RGS7BP: variants seen among roughly 807,000 people sequenced by gnomAD.
RGS7BP encodes regulator of G protein signaling 7-binding protein.
A neutral mutation model predicts 31.3 loss-of-function variants in RGS7BP; 9 were observed. That is an observed-to-expected ratio of 0.29 (90% CI 0.17 to 0.50). The LOEUF (loss-of-function observed/expected upper bound fraction) is 0.50, where lower values mean the gene tolerates loss of function less well. Ranked by LOEUF, RGS7BP falls within the 20% of genes least tolerant of loss-of-function variation. RGS7BP has a pLI of 0.98. For missense variants in RGS7BP, 274 were observed against 322.0 expected (o/e 0.85, Z 1.14); for synonymous variants, 115 against 120.1 (o/e 0.96, Z 0.28).
In RGS7BP at chr5:64,609,881, C is replaced by G. The variant is rs961169981; in HGVS notation, c.*629C>G. 6.6e-6 allele frequency: 1 copy of G among 152,396 alleles called. No individual in the cohort carries two copies. The highest frequency in any genetic ancestry group is 6.6e-5 in the Admixed American group (1 of 15,220). 9.4% of individuals were successfully genotyped at this position (152,396 alleles called of 1,614,324 possible). A position where few individuals can be genotyped will look rare whatever the true frequency, so the allele number is the denominator to read the frequency against. On this transcript the variant is annotated 3_prime_UTR_variant, in exon 6 of 6. Coordinates refer to ENST00000334025, the MANE Select transcript of RGS7BP (RefSeq NM_001029875.3). ...CAACAAAAACCACATATGAAAAGTA[C>G]TAAAATTTTGTAAATACACAATAAT...
intron 3 of RGS7BP, among the ~76,000 whole-genome samples, chr5:64,591,545 C>T (rs1444566635): frequency 6.6e-6 from 1 of 152,054 alleles, no homozygotes; most frequent in South Asian, 2.1e-4. Flanking sequence ...TGTAAATTAG[C>T]ATAGCCTTTT....
In RGS7BP at chr5:64,574,465, C is replaced by T. The variant is rs564594174; in HGVS notation, c.333-1309C>T. Among the ~76,000 whole-genome samples the T allele has an allele frequency of 6.6e-5, 10 of 152,142 alleles. No homozygotes were observed. The South Asian group carries it at 2.1e-3, about 32-fold the overall frequency. ...TCCTATGTTGGCCTAAGGTGGCACC[C>T]ACGAGACACAAATGAGAAAATAACA... On this transcript the variant is annotated intron_variant, in intron 2 of 5. Coordinates refer to ENST00000334025, the MANE Select transcript of RGS7BP (RefSeq NM_001029875.3).
chr5:64,518,986 C>T (rs1039657933), intron 2 of RGS7BP, among the ~76,000 whole-genome samples: 6 of 152,242 alleles, frequency 3.9e-5, no homozygotes, highest in South Asian at 4.2e-4. Flanking sequence ...GCAGCCAGGG[C>T]GGTGTCATGC....
At chr5:64,575,733 C>T in intron 2 of RGS7BP, 41 bp from the exon 3 acceptor site, 1 of 1,573,334 alleles carries the variant, frequency 6.4e-7, no homozygotes. Flanking sequence ...TGAGTGAAAT[C>T]TTGAGAATGT....
Position 64,570,632 on chromosome 5 carries a change from G to A in RGS7BP, c.333-5142G>A, listed in dbSNP as rs138602127. Among the ~76,000 whole-genome samples, 154 of 152,146 alleles carry A rather than the reference G, an allele frequency of 1.0e-3. 1 individual carries two copies. The highest frequency in any genetic ancestry group is 2.9e-3 in the African/African-American group (121 of 41,514). Reference sequence around the variant, plus strand: ...GACAGATGCAGGGCCAAGACATTTCGTAACTAAAATCCCCAGTGTGTTAAC... The same window carrying A: ...GACAGATGCAGGGCCAAGACATTTCATAACTAAAATCCCCAGTGTGTTAAC... On this transcript the variant is annotated intron_variant, in intron 2 of 5. Transcript: ENST00000334025.
chr5:64,540,833 A>G (rs1241381335), intron 2 of RGS7BP, among the ~76,000 whole-genome samples: 1 of 152,208 alleles, frequency 6.6e-6, no homozygotes, highest in African/African-American at 2.4e-5. Flanking sequence ...AGAGCTGTGC[A>G]GCACAAAAAA....
intron 5 of RGS7BP, among the ~76,000 whole-genome samples, chr5:64,606,002 A>C (rs938511649): frequency 1.5e-5 from 2 of 135,798 alleles, no homozygotes; most frequent in African/African-American, 5.6e-5. Context: ...TATATGCTAT[A>C]TATATGTATA....
intron 2 of RGS7BP, among the ~76,000 whole-genome samples, chr5:64,533,949 A>G (rs541533221): frequency 3.7e-4 from 57 of 152,356 alleles, no homozygotes; most frequent in Non-Finnish European, 6.3e-4. Context: ...GAGGGGACAT[A>G]TGATAAATAA....
rs202168492 is a variant in RGS7BP, at chr5:64,575,882, G to A, written c.441G>A (p.Gly147=). 1 of 1,611,826 alleles carries A rather than the reference G, an allele frequency of 6.2e-7. No homozygotes were observed. The highest frequency in any genetic ancestry group is 1.1e-5 in the South Asian group (1 of 90,626). The part of the protein sequence containing the change: ...TEMLKSICLL[G]SLQFHRKGKE... ...TGCTAAAATCCATATGTCTGCTGGG[G>A]TCTCTTCAGTTTCATCGAAAAGGTA... The change falls in exon 3 of 6, where the codon GGG becomes GGA. Residue 147 remains glycine (G), a synonymous_variant. Coordinates refer to ENST00000334025, the MANE Select transcript of RGS7BP (RefSeq NM_001029875.3).
intron 2 of RGS7BP, among the ~76,000 whole-genome samples, chr5:64,562,566 T>G (rs965056450): frequency 7.2e-5 from 11 of 152,152 alleles, no homozygotes; most frequent in Non-Finnish European, 5.9e-5. Context: ...GTGGCCTTCA[T>G]GTCAATATTC....
chr5:64,591,795 G>T (rs147351499), intron 3 of RGS7BP, among the ~76,000 whole-genome samples: 1 of 152,244 alleles, frequency 6.6e-6, no homozygotes, highest in Non-Finnish European at 1.5e-5. Flanking sequence ...AAAGTAAGTT[G>T]TATAACAACA....
At chr5:64,534,556 A>T (rs1749457630) in intron 2 of RGS7BP, among the ~76,000 whole-genome samples, 1 of 152,078 alleles carries the variant, frequency 6.6e-6, no homozygotes. Context: ...GATGAGGGAA[A>T]GGGGAGAATC....
rs1351053563 is a variant in RGS7BP, at chr5:64,575,923, G to T, written c.463+19G>T. 1.3e-6 allele frequency: 2 copies of T among 1,599,898 alleles called. No individual in the cohort carries two copies. The highest frequency in any genetic ancestry group is 1.7e-5 in the Admixed American group (1 of 57,778). On this transcript the variant is annotated intron_variant, in intron 3 of 5. Coordinates refer to ENST00000334025, the MANE Select transcript of RGS7BP (RefSeq NM_001029875.3). Reference sequence around the variant, plus strand: ...CGAAAAGGTATCTACATTTAATATTGCCGGAAACACTGAGGAATGTTGAAC... The same window carrying T: ...CGAAAAGGTATCTACATTTAATATTTCCGGAAACACTGAGGAATGTTGAAC...
At chr5:64,593,874 C>A (rs74780877) in intron 3 of RGS7BP, among the ~76,000 whole-genome samples, 8 of 152,136 alleles carry the variant, frequency 5.3e-5, no homozygotes, top group Non-Finnish European at 1.2e-4. Context: ...AGGATACCCC[C>A]CTATGGATGC....
At chr5:64,508,324 C>T (rs77024546) in intron 2 of RGS7BP, among the ~76,000 whole-genome samples, 3 of 152,238 alleles carry the variant, frequency 2.0e-5, no homozygotes, top group Non-Finnish European at 4.4e-5. Flanking sequence ...TCCTATGATA[C>T]CGCCTAAAAT....
At position 64,594,723 on chromosome 5, in the gene RGS7BP, C is replaced by A; in HGVS notation, c.477C>A (p.Gly159=). The A allele has an allele frequency of 2.5e-6, 4 of 1,613,524 alleles. No homozygotes were observed. Residue 159 remains glycine, a synonymous_variant, in exon 4 of 6, where the codon GGC becomes GGA. Coordinates refer to ENST00000334025, the MANE Select transcript of RGS7BP (RefSeq NM_001029875.3). ...LQFHRKGKEP[G]GGTKSLDCKI... ...TCCCTCCCTTAGGAAAGGAACCTGG[C>A]GGGGGAACCAAGAGTTTGGATTGCA...
intron 2 of RGS7BP, among the ~76,000 whole-genome samples, chr5:64,511,400 T>G (rs1413972361): frequency 6.6e-6 from 1 of 152,234 alleles, no homozygotes; most frequent in African/African-American, 2.4e-5. Flanking sequence ...TCTTTACAAC[T>G]CTGACCCTGT....
intron 5 of RGS7BP, among the ~76,000 whole-genome samples, chr5:64,599,980 G>GTTA (rs1362030350): frequency 3.9e-5 from 6 of 152,128 alleles, no homozygotes; most frequent in Non-Finnish European, 8.8e-5. Context: ...TGTTGTCACT[G>GTTA]TTATTATTAT....
At chr5:64,606,305 T>C (rs1411340497) in intron 5 of RGS7BP, among the ~76,000 whole-genome samples, 1 of 82,448 alleles carries the variant, frequency 1.2e-5, no homozygotes, top group African/African-American at 4.8e-5. Flanking sequence ...TTGTGGTAGG[T>C]ATTTCCTCAT....
Sources: gnomAD v4.1 joint callset for allele counts (sites outside exome capture counted in the v4.1 genomes callset) on GRCh38, gnomAD v4.1.1 for gene constraint, MANE v1.5 for transcripts, NCBI Gene and HGNC (gene_info 2026-07-23, HGNC 2026-07-21) for gene names.